Variants in ARSF observed in about 807,000 individuals in gnomAD.
The protein encoded by ARSF is arylsulfatase F.
Under a neutral mutation model 35.4 loss-of-function variants are expected in ARSF, and 33 were observed. That is an observed-to-expected ratio of 0.93 (90% confidence interval 0.71 to 1.25). The LOEUF (loss-of-function observed/expected upper bound fraction) is 1.25. Among genes scored for constraint, ARSF ranks in the 50% most tolerant of loss-of-function variants. The pLI, the probability that ARSF is intolerant of heterozygous loss-of-function variation, is 0.00. For missense variants in ARSF, 501 were observed against 480.2 expected, an observed-to-expected ratio of 1.04 and a Z score of -0.40; for synonymous variants, 222 against 193.1, an observed-to-expected ratio of 1.15 and a Z score of -1.24.
At chrX:3,104,593 G>A (rs919120603) in intron 9 of ARSF, among the ~76,000 whole-genome samples, 1 of 111,910 alleles carries the variant, frequency 8.9e-6, no homozygotes, top group Non-Finnish European at 1.9e-5. Context: ...CCAAGTAGTT[G>A]GATTTCTGGA....
intron 1 of ARSF, among the ~76,000 whole-genome samples, chrX:3,047,460 G>A (rs3952850): frequency 2.2e-5 from 2 of 89,552 alleles, no homozygotes; most frequent in African/African-American, 4.1e-5. Context: ...GATTACAGGC[G>A]TGATCCACTC....
chrX:3,085,148 G>A (rs1466222896), intron 6 of ARSF, among the ~76,000 whole-genome samples: 1 of 109,569 alleles, frequency 9.1e-6, no homozygotes, highest in Non-Finnish European at 1.9e-5. Context: ...CTCTCTATTG[G>A]CTCTGAAATT....
In ARSF at chrX:3,099,429, C is replaced by A. The variant is rs556703983; in HGVS notation, c.968-1658C>A. Among the ~76,000 whole-genome samples the A allele has an allele frequency of 1.3e-4, 15 of 111,612 alleles. No homozygotes were observed. The South Asian group carries it at 5.7e-3, about 42-fold the overall frequency. ...TCCTCTGATCTGGACAAAGACTGAG[C>A]AATCTTTATTCTTTCTTGAATTCAA... On this transcript the variant is annotated intron_variant, in intron 7 of 10. Coordinates refer to ENST00000381127, the MANE Select transcript of ARSF (RefSeq NM_001201539.2).
At chrX:3,073,436 G>A (rs1338220413) in intron 3 of ARSF, among the ~76,000 whole-genome samples, 5 of 99,517 alleles carry the variant, frequency 5.0e-5, no homozygotes, top group Non-Finnish European at 9.9e-5. Flanking sequence ...GCCAGGACTC[G>A]GGTCCAGATA....
At chrX:3,101,244 G>A in intron 8 of ARSF, 23 bp downstream of exon 8, 2 of 1,200,584 alleles carry the variant, frequency 1.7e-6, no homozygotes, top group Non-Finnish European at 2.3e-6. Context: ...ACTCATGCAA[G>A]TGATCTGGTG....
At chrX:3,094,068 A>G (rs2090322477) in intron 7 of ARSF, among the ~76,000 whole-genome samples, 2 of 112,121 alleles carry the variant, frequency 1.8e-5, no homozygotes, top group African/African-American at 3.2e-5. Flanking sequence ...AGCTGGTATA[A>G]TAAACACTTT....
intron 9 of ARSF, among the ~76,000 whole-genome samples, chrX:3,108,739 T>A (rs1284968491): frequency 8.9e-6 from 1 of 111,876 alleles, no homozygotes; most frequent in East Asian, 2.8e-4. Context: ...TTTTTAGGCA[T>A]GGCACGGTGG....
In ARSF at chrX:3,076,501, C is replaced by T. The variant is rs768863864; in HGVS notation, c.162-47C>T. On this transcript the variant is annotated intron_variant, in intron 3 of 10. Transcript: ENST00000381127. The stretch of plus-strand genomic sequence containing the variant: ...GCTCTTCCTCTCTGCTTCCCCCGCC[C>T]CCCACCTTTTCCTTCTCTCCAATAC... 1.4e-4 allele frequency: 167 copies of T among 1,152,919 alleles called. No homozygotes were observed. The East Asian group carries it at 3.0e-3, about 21-fold the overall frequency.
intron 1 of ARSF, among the ~76,000 whole-genome samples, chrX:3,060,725 T>C (rs1386222870): frequency 9.0e-6 from 1 of 110,828 alleles, no homozygotes. Flanking sequence ...TGATTGAAGA[T>C]CAAATGAATG....
intron 3 of ARSF, among the ~76,000 whole-genome samples, chrX:3,073,240 TATATATA>T (rs1415480641): frequency 3.0e-5 from 2 of 66,196 alleles, no homozygotes; most frequent in African/African-American, 7.8e-5. Flanking sequence ...TATATATTTA[TATATATA>T]ATATATAATA....
At chrX:3,042,464 C>T (rs2089959312) in intron 1 of ARSF, among the ~76,000 whole-genome samples, 1 of 111,283 alleles carries the variant, frequency 9.0e-6, no homozygotes, top group African/African-American at 3.3e-5. Flanking sequence ...TGTTCTTATT[C>T]AAAGCTAAGT....
chrX:3,108,137 T>C (rs1407322742), intron 9 of ARSF, among the ~76,000 whole-genome samples: 2 of 112,183 alleles, frequency 1.8e-5, no homozygotes, highest in Admixed American at 9.5e-5. Flanking sequence ...GGTCAATTCC[T>C]GGACTCTCCT....
intron 2 of ARSF, 65 bp downstream of exon 2, chrX:3,068,176 G>C (rs1483218820): frequency 9.4e-7 from 1 of 1,069,469 alleles, no homozygotes; most frequent in Admixed American, 2.7e-5. Context: ...GTGTATTTGT[G>C]AATCCAGCCT....
At chrX:3,048,402 T>TC (rs1452300696) in intron 1 of ARSF, among the ~76,000 whole-genome samples, 1 of 112,288 alleles carries the variant, frequency 8.9e-6, no homozygotes, top group Non-Finnish European at 1.9e-5. Flanking sequence ...CTTCCAAGGC[T>TC]CCCCTGAGAC....
Position 3,052,028 on chromosome X carries a change from CA to C in ARSF, c.-29+10374del, listed in dbSNP as rs59838931. On this transcript the variant is annotated intron_variant, in intron 1 of 10. Transcript: ENST00000381127. Reference sequence around the variant, plus strand: ...CAACAACAAAAAGAACAACAAAAAACAAAAAAAAACTTGTATTCTATTGTCT... The same window carrying C: ...CAACAACAAAAAGAACAACAAAAAACAAAAAAAACTTGTATTCTATTGTCT... Among the ~76,000 whole-genome samples the C allele has an allele frequency of 1.4e-3, 150 of 109,092 alleles. 3 individuals are homozygous for C. Among genetic ancestry groups the C allele is most frequent in the African/African-American group, 1.5e-3 (45 of 30,100 alleles). 94.7% of individuals were successfully genotyped at this position (109,092 alleles called of 115,157 possible). A position where few individuals can be genotyped will look rare whatever the true frequency, so the allele number is the denominator to read the frequency against.
chrX:3,058,457 C>T (rs1603464113), intron 1 of ARSF: 5 of 235,321 alleles, frequency 2.1e-5, no homozygotes, highest in East Asian at 2.6e-4. Flanking sequence ...TGGGCCGAAG[C>T]GATCCCCCAC....
intron 1 of ARSF, among the ~76,000 whole-genome samples, chrX:3,063,561 G>A (rs1249570625): frequency 1.4e-4 from 16 of 111,507 alleles, no homozygotes; most frequent in African/African-American, 3.6e-4. Context: ...AAACCCCATC[G>A]TCTCAGCCCA....
intron 2 of ARSF, among the ~76,000 whole-genome samples, chrX:3,071,112 G>T (rs2090100923): frequency 9.0e-6 from 1 of 111,072 alleles, no homozygotes; most frequent in South Asian, 3.8e-4. Context: ...CTGCTGAATG[G>T]CAGCAGAAGT....
At chrX:3,080,814 T>C in intron 4 of ARSF, 77 bp from the exon 5 acceptor site, 5 of 1,145,505 alleles carry the variant, frequency 4.4e-6, no homozygotes, top group Non-Finnish European at 5.9e-6. Context: ...GATTTCAATG[T>C]GCAAATTTTG....
Sources: allele counts gnomAD v4.1 joint callset (sites outside exome capture counted in the v4.1 genomes callset), GRCh38; gene constraint gnomAD v4.1.1; transcripts MANE v1.5; gene names NCBI Gene and HGNC (gene_info 2026-07-23, HGNC 2026-07-21).